KANTR: variants seen among roughly 807,000 people sequenced by gnomAD.
The protein encoded by KANTR is KANTR integral membrane protein, also known as KDM5C adjacent transcript.
chrX:53,099,073 G>A (rs782077728), intron 1 of KANTR, among the ~76,000 whole-genome samples: 127 of 110,510 alleles, frequency 1.1e-3, no homozygotes, highest in African/African-American at 3.9e-3. Flanking sequence ...TTGTTGCCCA[G>A]GCTCCATTAA....
chrX:53,138,471 T>C (rs1933456001), intron 2 of KANTR, among the ~76,000 whole-genome samples: 1 of 107,220 alleles, frequency 9.3e-6, no homozygotes, highest in South Asian at 4.4e-4. Context: ...AAGACCAGCC[T>C]GACCAACATG....
downstream of KANTR, among the ~76,000 whole-genome samples, chrX:53,130,959 C>T (rs1933355007): frequency 9.0e-6 from 1 of 111,213 alleles, no homozygotes; most frequent in African/African-American, 3.3e-5. Flanking sequence ...GGAACAGTGA[C>T]AGAGGGATAA....
Position 53,138,314 on chromosome X carries a change from C to A in KANTR, n.204-3534C>A, listed in dbSNP as rs781932292. 1.8e-4 allele frequency among the ~76,000 whole-genome samples: 19 copies of A among 108,228 alleles called. 1 individual carries two copies. The South Asian group carries it at 7.8e-3, about 45-fold the overall frequency. 94.0% of individuals were successfully genotyped at this position (108,228 alleles called of 115,157 possible). A position where few individuals can be genotyped will look rare whatever the true frequency, so the allele number is the denominator to read the frequency against. On this transcript the variant is annotated intron_variant and non_coding_transcript_variant, in intron 2 of 2. Transcript: ENST00000366185. Reference sequence around the variant, plus strand: ...AAATCCCGACCTCAGGTGATCCGCCCGCCTCAGCCTCCCAACAGGCGCGAG... The same window carrying A: ...AAATCCCGACCTCAGGTGATCCGCCAGCCTCAGCCTCCCAACAGGCGCGAG...
chrX:53,136,295 A>G (rs1366023660), intron 2 of KANTR, among the ~76,000 whole-genome samples: 1 of 109,879 alleles, frequency 9.1e-6, no homozygotes, highest in African/African-American at 3.3e-5. Flanking sequence ...CTGGAGTGCA[A>G]TGATGCGATC....
intron 2 of KANTR, among the ~76,000 whole-genome samples, chrX:53,121,779 A>C (rs782253016): frequency 1.5e-4 from 17 of 111,688 alleles, no homozygotes; most frequent in Non-Finnish European, 3.0e-4. Flanking sequence ...AGAACACCAG[A>C]GTTTAAATGC....
intron 1 of KANTR, among the ~76,000 whole-genome samples, chrX:53,097,350 G>GTTT (rs781783647): frequency 2.9e-5 from 2 of 67,976 alleles, no homozygotes. Context: ...TTTGTTTTAA[G>GTTT]TTTTTTTTTT....
At chrX:53,098,360 G>A (rs1457091468) in intron 1 of KANTR, among the ~76,000 whole-genome samples, 1 of 112,151 alleles carries the variant, frequency 8.9e-6, no homozygotes, top group Non-Finnish European at 1.9e-5. Flanking sequence ...TTTTGCTGGT[G>A]GAGGGTCTTA....
chrX:53,128,331 T>C (rs921729086), downstream of KANTR, among the ~76,000 whole-genome samples: 2 of 111,166 alleles, frequency 1.8e-5, no homozygotes, highest in Non-Finnish European at 3.8e-5. Context: ...TTCAGGGCAG[T>C]GTGGTCAGTG....
intron 2 of KANTR, among the ~76,000 whole-genome samples, chrX:53,106,070 G>C (rs1274230841): frequency 9.7e-6 from 1 of 103,300 alleles, no homozygotes; most frequent in Non-Finnish European, 2.0e-5. Context: ...TGTTAGCCAG[G>C]ATGGTCTCGA....
In KANTR at chrX:53,105,888, C is replaced by T. The variant is rs868943891; in HGVS notation, c.-805+6280C>T. 5.9e-3 allele frequency among the ~76,000 whole-genome samples: 482 copies of T among 82,092 alleles called. 5 individuals are homozygous for T. The highest frequency in any genetic ancestry group is 0.022 in the African/African-American group (445 of 19,827). The allele number at this position is 82,092 out of a possible 115,157, so 71.3% of individuals were successfully genotyped here. A position where few individuals can be genotyped will look rare whatever the true frequency, so the allele number is the denominator to read the frequency against. On this transcript the variant is annotated intron_variant, in intron 2 of 2. Coordinates refer to ENST00000604062, the Ensembl canonical transcript of KANTR. ...TTTTTTTTTTTTTGAGACAGAGTCT[C>T]GCTCTGTCGCCCAGGGTGGAGTGCA...
chrX:53,143,130 C>T (rs1436442760), downstream of KANTR: 103 of 1,101,571 alleles, frequency 9.4e-5, no homozygotes, highest in African/African-American at 1.7e-3. Flanking sequence ...AGAAGGAAGG[C>T]TGGAACAGCA....
chrX:53,140,778 G>A (rs1013469040), intron 2 of KANTR, among the ~76,000 whole-genome samples: 1 of 111,927 alleles, frequency 8.9e-6, no homozygotes, highest in Non-Finnish European at 1.9e-5. Context: ...AGTTCCAGGG[G>A]TGAGAGTTAT....
intron 2 of KANTR, among the ~76,000 whole-genome samples, chrX:53,103,950 A>G (rs1338465597): frequency 9.0e-6 from 1 of 111,284 alleles, no homozygotes; most frequent in African/African-American, 3.3e-5. Context: ...CTACAAGATC[A>G]TTCTTATTAG....
At chrX:53,128,614 G>T (rs781825285), downstream of KANTR, among the ~76,000 whole-genome samples, 8 of 111,333 alleles carry the variant, frequency 7.2e-5, no homozygotes, top group African/African-American at 2.6e-4. Context: ...TCTGGTTAAG[G>T]TTATAGTGAT....
chrX:53,105,216 A>G (rs954451158), intron 2 of KANTR, among the ~76,000 whole-genome samples: 6 of 111,691 alleles, frequency 5.4e-5, no homozygotes, highest in Middle Eastern at 4.6e-3. Context: ...ACTGTTTGCA[A>G]AAGTGGCTAT....
intron 2 of KANTR, among the ~76,000 whole-genome samples, chrX:53,114,305 C>T (rs1933091410): frequency 8.9e-6 from 1 of 112,855 alleles, no homozygotes; most frequent in African/African-American, 3.2e-5. Context: ...CTCGGCCTCC[C>T]AGAGTGCTCG....
intron 2 of KANTR, among the ~76,000 whole-genome samples, chrX:53,102,017 AGATCACT>A (rs1182289768): frequency 4.5e-4 from 50 of 110,289 alleles, no homozygotes; most frequent in African/African-American, 1.6e-3. Context: ...AAAAAAAAAA[AGATCACT>A]GATCACAGAT....
At chrX:53,144,037 G>A, downstream of KANTR, 1 of 198,977 alleles carries the variant, frequency 5.0e-6, no homozygotes, top group Non-Finnish European at 9.5e-6. Context: ...ATTTTTGATG[G>A]AAATTTATTC....
chrX:53,107,671 T>TA (rs1292910541), intron 2 of KANTR, among the ~76,000 whole-genome samples: 3 of 109,762 alleles, frequency 2.7e-5, no homozygotes, highest in Non-Finnish European at 5.7e-5. Flanking sequence ...TTCTTTTTGA[T>TA]ACTACTTTAA....
Sources: gnomAD v4.1 joint callset for allele counts (sites outside exome capture counted in the v4.1 genomes callset) on GRCh38, gnomAD v4.1.1 for gene constraint, MANE v1.5 for transcripts, NCBI Gene and HGNC (gene_info 2026-07-23, HGNC 2026-07-21) for gene names.